The following THSD4 variants were observed in gnomAD, a reference collection of about 807,000 sequenced individuals.
THSD4 encodes thrombospondin type 1 domain containing 4, also known as thrombospondin type-1 domain-containing protein 4.
In THSD4, 69 loss-of-function variants were observed where a neutral mutation model predicts 119.0. The observed-to-expected ratio is 0.58, with a 90% CI of 0.48 to 0.71. The LOEUF (loss-of-function observed/expected upper bound fraction) is 0.71, where lower values mean the gene tolerates loss of function less well. THSD4 is among the 30% of genes least tolerant of loss of function. THSD4 has a pLI of 0.00. For synonymous variants in THSD4, 524 were observed against 540.4 expected (o/e 0.97, Z 0.42); for missense variants, 1,393 against 1,391.1 (o/e 1.00, Z -0.02).
chr15:71,679,582 A>C (rs922952189), intron 8 of THSD4, among the ~76,000 whole-genome samples: 1 of 152,160 alleles, frequency 6.6e-6, no homozygotes, highest in Admixed American at 6.5e-5. Context: ...AAGCAGCACA[A>C]GCTAAGGTAC....
intron 6 of THSD4, among the ~76,000 whole-genome samples, chr15:71,328,174 GT>G (rs1223468943): frequency 6.6e-6 from 1 of 152,142 alleles, no homozygotes; most frequent in Non-Finnish European, 1.5e-5. Context: ...CGTGCTTCTT[GT>G]TTTTATTGTT....
intron 6 of THSD4, among the ~76,000 whole-genome samples, chr15:71,385,994 A>G (rs1054842542): frequency 2.6e-5 from 4 of 152,202 alleles, no homozygotes; most frequent in Admixed American, 6.5e-5. Flanking sequence ...AAAAATGAGG[A>G]AAGTGATGCT....
chr15:71,342,542 C>T (rs930716536), intron 6 of THSD4: 1 of 152,824 alleles, frequency 6.5e-6, no homozygotes, highest in Non-Finnish European at 1.5e-5. Context: ...TTGCCTTCCC[C>T]CTGCCCACCC....
In THSD4 at chr15:71,277,812, C is replaced by CCA. The variant is rs540606391; in HGVS notation, c.1015+21099_1015+21100dup. Among the ~76,000 whole-genome samples the CCA allele has an allele frequency of 2.1e-3, 320 of 152,196 alleles. 1 individual carries two copies. In the Middle Eastern group the frequency reaches 0.034, roughly 16 times the overall value. On this transcript the variant is annotated intron_variant, in intron 6 of 17. Coordinates refer to ENST00000261862, the MANE Select transcript of THSD4 (RefSeq NM_024817.3). ...TGGTGTCCAGTGATCTTTGGATGGT[C>CCA]CACTGAAGGTAGATACCTCCCAGCC...
intron 7 of THSD4, among the ~76,000 whole-genome samples, chr15:71,607,638 G>C (rs559007972): frequency 5.9e-5 from 9 of 152,336 alleles, no homozygotes; most frequent in Non-Finnish European, 1.0e-4. Flanking sequence ...TCACAACGGA[G>C]GTGTGGCCTT....
At chr15:71,307,981 G>A (rs1170485469) in intron 6 of THSD4, among the ~76,000 whole-genome samples, 2 of 152,248 alleles carry the variant, frequency 1.3e-5, no homozygotes, top group East Asian at 3.9e-4. Context: ...TCCCCACCAG[G>A]GAAGCATGCC....
chr15:71,275,575 A>G (rs2044579971), intron 6 of THSD4, among the ~76,000 whole-genome samples: 1 of 152,172 alleles, frequency 6.6e-6, no homozygotes, highest in Non-Finnish European at 1.5e-5. Context: ...CATTCAGCCC[A>G]TGCTTTATAT....
intron 3 of THSD4, among the ~76,000 whole-genome samples, chr15:71,203,645 G>A (rs9944195): frequency 0.092 from 13,974 of 152,204 alleles, 816 homozygotes; most frequent in East Asian, 0.18. Context: ...CAGCCTGGGC[G>A]ACAGAGCAAG....
intron 7 of THSD4, among the ~76,000 whole-genome samples, chr15:71,602,420 G>A (rs931995574): frequency 7.3e-5 from 11 of 151,474 alleles, no homozygotes; most frequent in South Asian, 2.1e-4. Flanking sequence ...AGGTGTGGTG[G>A]CGCATGCCTC....
intron 7 of THSD4, among the ~76,000 whole-genome samples, chr15:71,580,704 C>CT (rs1199866035): frequency 6.6e-6 from 1 of 152,140 alleles, no homozygotes; most frequent in African/African-American, 2.4e-5. Context: ...ATGAATTCAA[C>CT]TTTTTTTACA....
intron 7 of THSD4, among the ~76,000 whole-genome samples, chr15:71,492,943 C>A (rs557231876): frequency 2.0e-5 from 3 of 150,918 alleles, no homozygotes; most frequent in African/African-American, 7.3e-5. Flanking sequence ...AAGGGTTAAT[C>A]ACTGTAATGA....
At chr15:71,661,827 C>T (rs1264923069) in intron 8 of THSD4, among the ~76,000 whole-genome samples, 1 of 152,194 alleles carries the variant, frequency 6.6e-6, no homozygotes, top group Non-Finnish European at 1.5e-5. Context: ...TGAACAGGAA[C>T]TTACCTAAAA....
At chr15:71,140,983 T>A (rs2040597730) in intron 1 of THSD4, among the ~76,000 whole-genome samples, 1 of 152,242 alleles carries the variant, frequency 6.6e-6, no homozygotes, top group Non-Finnish European at 1.5e-5. Flanking sequence ...CTCTTTTCAC[T>A]TAATATAATG....
At position 71,327,753 on chromosome 15, in the gene THSD4, C is replaced by G. The variant is rs2045365348; in HGVS notation, c.1015+71038C>G. ...TATAAATCTTGATTTTTCTCTTGCC[C>G]CTTTTGCTTCACCCTACTCCCCATA... is the stretch of plus-strand genomic sequence containing the variant. On this transcript the variant is annotated intron_variant, in intron 6 of 17. Coordinates refer to ENST00000261862, the MANE Select transcript of THSD4 (RefSeq NM_024817.3). Among the ~76,000 whole-genome samples the G allele has an allele frequency of 2.6e-5, 4 of 152,162 alleles. No individual in the cohort carries two copies. The South Asian group carries it at 8.3e-4, about 32-fold the overall frequency.
At chr15:71,437,640 C>T (rs12902105) in intron 7 of THSD4, among the ~76,000 whole-genome samples, 80,177 of 152,094 alleles carry the variant, frequency 0.53, 21,727 homozygotes, top group East Asian at 0.71. Context: ...GCTATATTTT[C>T]GGGTATTGGT....
chr15:71,415,614 A>T (rs991002640), intron 7 of THSD4, among the ~76,000 whole-genome samples: 7 of 152,176 alleles, frequency 4.6e-5, no homozygotes, highest in African/African-American at 1.7e-4. Flanking sequence ...TGTGCTATCA[A>T]ATACTAGATA....
intron 6 of THSD4, among the ~76,000 whole-genome samples, chr15:71,343,159 G>C (rs938238619): frequency 2.0e-5 from 3 of 152,268 alleles, no homozygotes; most frequent in Admixed American, 1.3e-4. Context: ...CAGAGGTGGA[G>C]GCTCTCTTAA....
intron 10 of THSD4, among the ~76,000 whole-genome samples, chr15:71,736,597 C>T (rs2053116234): frequency 6.6e-6 from 1 of 151,908 alleles, no homozygotes; most frequent in South Asian, 2.1e-4. Context: ...CTCTTGCTCT[C>T]TTGGTCTCTG....
chr15:71,721,669 C>CA (rs34430183), intron 8 of THSD4, among the ~76,000 whole-genome samples: 7 of 149,812 alleles, frequency 4.7e-5, no homozygotes, highest in Admixed American at 2.0e-4. Context: ...GACCCTGTCT[C>CA]AAAAAAAAAA....
Sources: gnomAD v4.1 joint callset for allele counts (sites outside exome capture counted in the v4.1 genomes callset) on GRCh38, gnomAD v4.1.1 for gene constraint, MANE v1.5 for transcripts, NCBI Gene and HGNC (gene_info 2026-07-23, HGNC 2026-07-21) for gene names.